The following GPR158 variants were observed in gnomAD, a reference collection of about 807,000 sequenced individuals.
GPR158 encodes metabotropic glycine receptor.
Under a neutral mutation model 78.2 loss-of-function variants are expected in GPR158, and 30 were observed. That is an observed-to-expected ratio of 0.38 (90% confidence interval 0.29 to 0.52). The LOEUF (loss-of-function observed/expected upper bound fraction) is 0.52, where lower values mean the gene tolerates loss of function less well. Among genes scored for constraint, GPR158 ranks in the 20% least tolerant of loss-of-function variants. GPR158 has a pLI of 0.83. For synonymous variants in GPR158, 581 were observed against 591.1 expected, an observed-to-expected ratio of 0.98 and a Z score of 0.25; for missense variants, 1,463 against 1,523.5, an observed-to-expected ratio of 0.96 and a Z score of 0.66.
At chr10:25,387,477 C>T (rs1451616460) in intron 2 of GPR158, among the ~76,000 whole-genome samples, 1 of 151,376 alleles carries the variant, frequency 6.6e-6, no homozygotes, top group East Asian at 1.9e-4. Context: ...GTAGTGCTGA[C>T]ATCATAAAAT....
intron 7 of GPR158, among the ~76,000 whole-genome samples, chr10:25,578,901 C>G (rs915418255): frequency 2.0e-5 from 3 of 152,024 alleles, no homozygotes; most frequent in Non-Finnish European, 2.9e-5. Context: ...CCCAGCTACT[C>G]AGGAGGCTGA....
rs1564391487 is a variant in GPR158, at chr10:25,207,677, G to A, written c.903-13375G>A. ...TGCTGTGCGGCCTGGTTCCTCACAG[G>A]ACATGGACTGGTACCAGTCCATGAC... On this transcript the variant is annotated intron_variant, in intron 1 of 10. Coordinates refer to ENST00000376351, the MANE Select transcript of GPR158 (RefSeq NM_020752.3). Among the ~76,000 whole-genome samples, 3 of 152,098 alleles carry A rather than the reference G, an allele frequency of 2.0e-5. No individual in the cohort carries two copies. In the South Asian group the frequency reaches 6.2e-4, roughly 32 times the overall value.
chr10:25,524,237 C>T (rs1182402790), intron 5 of GPR158, among the ~76,000 whole-genome samples: 5 of 152,178 alleles, frequency 3.3e-5, no homozygotes, highest in Non-Finnish European at 7.4e-5. Flanking sequence ...TCCACAGATC[C>T]AGTGCAAGCC....
At chr10:25,356,731 C>T (rs1855560271) in intron 2 of GPR158, among the ~76,000 whole-genome samples, 1 of 152,102 alleles carries the variant, frequency 6.6e-6, no homozygotes, top group Non-Finnish European at 1.5e-5. Context: ...CAATAAACCT[C>T]TTTCTTTTGT....
intron 4 of GPR158, 29 bp from the exon 5 acceptor site, chr10:25,466,622 G>C (rs1432212913): frequency 2.7e-6 from 4 of 1,501,800 alleles, no homozygotes; most frequent in Non-Finnish European, 1.8e-6. Context: ...ATGTAAGTTA[G>C]TAATGACGTT....
chr10:25,295,709 G>A (rs977509897), intron 2 of GPR158, among the ~76,000 whole-genome samples: 41 of 152,058 alleles, frequency 2.7e-4, no homozygotes, highest in African/African-American at 8.7e-4. Context: ...CACCGCGCCC[G>A]GCCTGACTTC....
intron 2 of GPR158, among the ~76,000 whole-genome samples, chr10:25,368,097 G>A (rs1030449801): frequency 6.6e-6 from 1 of 151,854 alleles, no homozygotes; most frequent in Non-Finnish European, 1.5e-5. Context: ...GAATTCCCTA[G>A]AGGAATTAGC....
chr10:25,406,375 A>C (rs1472428655), intron 3 of GPR158, among the ~76,000 whole-genome samples: 1 of 152,168 alleles, frequency 6.6e-6, no homozygotes, highest in Non-Finnish European at 1.5e-5. Context: ...TGCCCACAGT[A>C]ATATCCAACT....
chr10:25,585,170 A>G lies in GPR158; in HGVS notation c.1754-3837A>G, dbSNP rs151139788. On this transcript the variant is annotated intron_variant, in intron 7 of 10. Transcript: ENST00000376351. The stretch of plus-strand genomic sequence containing the variant: ...CCTTATGCAAGCAAATAGAAACTAA[A>G]GGCTAATGGCTTGCTTATTTTCCTT... Among the ~76,000 whole-genome samples the G allele has an allele frequency of 1.2e-4, 18 of 152,376 alleles. 1 individual carries two copies. The East Asian group carries it at 3.3e-3, about 28-fold the overall frequency.
At position 25,533,866 on chromosome 10, in the gene GPR158, C is replaced by T. The variant is rs144424179; in HGVS notation, c.1405-17110C>T. Reference sequence around the variant, plus strand: ...GTTTAAACCCAGCTCTGCCACTTACCAGCTATGTGACCTGGGGCAAATTCC... The same window carrying T: ...GTTTAAACCCAGCTCTGCCACTTACTAGCTATGTGACCTGGGGCAAATTCC... On this transcript the variant is annotated intron_variant, in intron 5 of 10. Transcript: ENST00000376351. 3.6e-3 allele frequency among the ~76,000 whole-genome samples: 553 copies of T among 152,280 alleles called. 14 individuals carry two copies. The East Asian group carries it at 0.044, about 12-fold the overall frequency.
chr10:25,510,271 T>G (rs2130668352), intron 5 of GPR158, among the ~76,000 whole-genome samples: 1 of 152,292 alleles, frequency 6.6e-6, no homozygotes, highest in African/African-American at 2.4e-5. Context: ...CAAGAGTGTT[T>G]CCGAATGTAC....
chr10:25,383,661 G>A (rs1834186364), intron 2 of GPR158, among the ~76,000 whole-genome samples: 1 of 152,052 alleles, frequency 6.6e-6, no homozygotes, highest in Admixed American at 6.6e-5. Flanking sequence ...TATTTCATAT[G>A]TACATTTTCA....
intron 2 of GPR158, among the ~76,000 whole-genome samples, chr10:25,260,158 C>A (rs9988748): frequency 6.6e-6 from 1 of 151,842 alleles, no homozygotes; most frequent in Non-Finnish European, 1.5e-5. Flanking sequence ...ATAACATTTG[C>A]GATAGATTTT....
intron 2 of GPR158, among the ~76,000 whole-genome samples, chr10:25,364,936 A>G (rs527888820): frequency 6.6e-6 from 1 of 151,932 alleles, no homozygotes; most frequent in South Asian, 2.1e-4. Context: ...GAGTTATGCC[A>G]TAGAGAGCAT....
At chr10:25,207,810 G>A (rs1480277115) in intron 1 of GPR158, among the ~76,000 whole-genome samples, 1 of 152,162 alleles carries the variant, frequency 6.6e-6, no homozygotes, top group Non-Finnish European at 1.5e-5. Flanking sequence ...GGCAGAACAA[G>A]CAGGTTTTGG....
At chr10:25,385,811 C>T (rs767194018) in intron 2 of GPR158, among the ~76,000 whole-genome samples, 12 of 151,982 alleles carry the variant, frequency 7.9e-5, no homozygotes, top group Non-Finnish European at 1.5e-4. Flanking sequence ...ATTTGTTTTT[C>T]TGTGTCATTG....
chr10:25,560,854 T>C (rs1836850763), intron 6 of GPR158, among the ~76,000 whole-genome samples: 1 of 152,228 alleles, frequency 6.6e-6, no homozygotes, highest in African/African-American at 2.4e-5. Flanking sequence ...ACATTTTCGC[T>C]ATTAGTCATT....
intron 2 of GPR158, among the ~76,000 whole-genome samples, chr10:25,254,256 G>A (rs971510533): frequency 1.3e-5 from 2 of 152,060 alleles, no homozygotes; most frequent in Admixed American, 1.3e-4. Context: ...AACATCCATG[G>A]AGATACCTTG....
chr10:25,487,027 G>A (rs1835744657), intron 5 of GPR158, among the ~76,000 whole-genome samples: 1 of 152,110 alleles, frequency 6.6e-6, no homozygotes, highest in South Asian at 2.1e-4. Context: ...CTCTTGGTAT[G>A]TTAGCAACCC....
Sources: allele counts gnomAD v4.1 joint callset (sites outside exome capture counted in the v4.1 genomes callset), GRCh38; gene constraint gnomAD v4.1.1; transcripts MANE v1.5; gene names NCBI Gene and HGNC (gene_info 2026-07-23, HGNC 2026-07-21).